Variants in CCDC7 observed in about 807,000 individuals in gnomAD.
The protein encoded by CCDC7 is coiled-coil domain containing 7.
A neutral mutation model predicts 196.9 loss-of-function variants in CCDC7; 183 were observed. That is an observed-to-expected ratio of 0.93 (90% CI 0.82 to 1.05). The LOEUF is 1.05. Among genes scored for constraint, CCDC7 ranks in the 50% least tolerant of loss-of-function variants. CCDC7 has a pLI of 0.00. For synonymous variants in CCDC7, 525 were observed against 484.6 expected, an observed-to-expected ratio of 1.08 and a Z score of -1.10; for missense variants, 1,540 against 1,482.2, an observed-to-expected ratio of 1.04 and a Z score of -0.64.
rs1198046506 is a variant in CCDC7 at position 32,479,888 on chromosome 10, A to G, written c.796+5865A>G. Among the ~76,000 whole-genome samples the G allele has an allele frequency of 2.7e-5, 4 of 149,424 alleles. No homozygotes were observed. In the South Asian group the frequency reaches 8.7e-4, roughly 32 times the overall value. ...TTATCACTGAGTCAGTCTTCTTATT[A>G]ATTACTAGTCTGTTCAGACTTTCTG... On this transcript the variant is annotated intron_variant, in intron 8 of 41. Transcript: ENST00000639629.
At chr10:32,627,116 C>T (rs953152046) in intron 18 of CCDC7, among the ~76,000 whole-genome samples, 5 of 151,440 alleles carry the variant, frequency 3.3e-5, no homozygotes, top group South Asian at 4.2e-4. Context: ...AATAGGATTG[C>T]GTTGACACTA....
intron 18 of CCDC7, among the ~76,000 whole-genome samples, chr10:32,607,345 C>T (rs1420525876): frequency 6.6e-6 from 1 of 152,192 alleles, no homozygotes; most frequent in African/African-American, 2.4e-5. Context: ...TGGCCTAACA[C>T]ATTATGACTT....
chr10:32,444,885 G>C (rs148434636), upstream of CCDC7, among the ~76,000 whole-genome samples: 1 of 145,808 alleles, frequency 6.9e-6, no homozygotes, highest in Admixed American at 7.0e-5. Context: ...ATGGAGTCTC[G>C]CTCTGTTGCC....
chr10:32,824,656 G>GT (rs775994559), intron 32 of CCDC7, 52 bp downstream of exon 33: 2 of 1,204,770 alleles, frequency 1.7e-6, no homozygotes. Flanking sequence ...CTTCTCTGGA[G>GT]TTTAAGTATG....
chr10:32,670,661 G>A (rs1413253734), intron 21 of CCDC7, among the ~76,000 whole-genome samples: 4 of 151,210 alleles, frequency 2.6e-5, no homozygotes, highest in Admixed American at 6.6e-5. Flanking sequence ...TTGTTCTTGC[G>A]ATAGTTTACT....
intron 2 of CCDC7, among the ~76,000 whole-genome samples, chr10:32,455,964 G>T (rs1373230020): frequency 6.6e-6 from 1 of 151,962 alleles, no homozygotes; most frequent in East Asian, 1.9e-4. Context: ...GTACTATGAG[G>T]CTGGGATGCT....
At position 32,689,175 on chromosome 10, in the gene CCDC7, A is replaced by G. The variant is rs745446700; in HGVS notation, c.2344+12A>G. ...GCAAAGAATTATTAGTAAGTATAAA[A>G]AGTAAAGATAACTTTAAATTATTTA... On this transcript the variant is annotated intron_variant, in intron 23 of 41. Transcript: ENST00000639629. 2.1e-6 allele frequency: 3 copies of G among 1,451,662 alleles called. No individual in the cohort carries two copies. Among genetic ancestry groups the G allele is most frequent in the Non-Finnish European group, 2.8e-6 (3 of 1,053,782 alleles). The allele number at this position is 1,451,662 out of a possible 1,614,324, so 89.9% of individuals were successfully genotyped here. A position where few individuals can be genotyped will look rare whatever the true frequency, so the allele number is the denominator to read the frequency against.
chr10:32,788,048 T>C (rs2082131450), intron 29 of CCDC7, among the ~76,000 whole-genome samples: 1 of 152,172 alleles, frequency 6.6e-6, no homozygotes, highest in South Asian at 2.1e-4. Flanking sequence ...TTTGCAGCCC[T>C]AGAGTCCAGG....
rs1352159824 is a variant in CCDC7, at chr10:32,565,636, T to C, written c.1197+16T>C. 6 of 1,600,278 alleles carry C rather than the reference T, an allele frequency of 3.7e-6. No individual in the cohort carries two copies. Among genetic ancestry groups the C allele is most frequent in the Non-Finnish European group, 5.1e-6 (6 of 1,173,822 alleles). On this transcript the variant is annotated intron_variant, in intron 14 of 41. Coordinates refer to ENST00000639629, the Ensembl canonical transcript of CCDC7. ...GGCTTTACAGGTAAAGGATGTCATG[T>C]TTCTTTAACATTGTTAACAAGTAAA...
intron 21 of CCDC7, among the ~76,000 whole-genome samples, chr10:32,681,840 C>A (rs143523949): frequency 6.6e-6 from 1 of 150,644 alleles, no homozygotes; most frequent in Non-Finnish European, 1.5e-5. Flanking sequence ...TGGATATAGA[C>A]CTGTAAAGTC....
intron 21 of CCDC7, among the ~76,000 whole-genome samples, chr10:32,685,635 C>T (rs1421053407): frequency 6.6e-6 from 1 of 152,124 alleles, no homozygotes; most frequent in Non-Finnish European, 1.5e-5. Flanking sequence ...TTTGTAATTA[C>T]AAATAATGCC....
chr10:32,528,679 TG>T (rs1261942264), intron 11 of CCDC7, among the ~76,000 whole-genome samples: 2 of 132,148 alleles, frequency 1.5e-5, no homozygotes, highest in Admixed American at 7.4e-5. Context: ...CATATATATA[TG>T]CATATATATA....
At chr10:32,687,604 G>A (rs1489998304) in intron 22 of CCDC7, among the ~76,000 whole-genome samples, 1 of 152,170 alleles carries the variant, frequency 6.6e-6, no homozygotes, top group Non-Finnish European at 1.5e-5. Context: ...AGAGATTGTG[G>A]AGATAAATCA....
chr10:32,760,384 G>T (rs1171914640), intron 28 of CCDC7, among the ~76,000 whole-genome samples: 2 of 151,840 alleles, frequency 1.3e-5, no homozygotes, highest in Admixed American at 6.6e-5. Context: ...AGAAAATGTG[G>T]CACATATACA....
chr10:32,851,434 C>T (rs1335937634), intron 39 of CCDC7, among the ~76,000 whole-genome samples: 1 of 152,018 alleles, frequency 6.6e-6, no homozygotes, highest in East Asian at 1.9e-4. Flanking sequence ...TAATTTTGAT[C>T]TTACATTGTT....
intron 8 of CCDC7, among the ~76,000 whole-genome samples, chr10:32,482,241 T>C (rs1305583968): frequency 1.3e-5 from 2 of 152,068 alleles, no homozygotes; most frequent in Non-Finnish European, 2.9e-5. Flanking sequence ...ACTGCAGATT[T>C]CTTACATGTA....
At chr10:32,446,097 G>T (rs1488505536), upstream of CCDC7, 1 of 152,162 alleles carries the variant, frequency 6.6e-6, no homozygotes, top group Non-Finnish European at 1.5e-5. Flanking sequence ...CGACGCCGGC[G>T]GCGCCAAGGC....
chr10:32,489,260 C>T (rs1236148689), intron 8 of CCDC7, among the ~76,000 whole-genome samples: 3 of 152,164 alleles, frequency 2.0e-5, no homozygotes, highest in African/African-American at 7.2e-5. Flanking sequence ...TACTGCTGCT[C>T]TGAGGACTGT....
At chr10:32,517,613 T>G in intron 9 of CCDC7, among the ~76,000 whole-genome samples, 1 of 95,800 alleles carries the variant, frequency 1.0e-5, no homozygotes, top group Admixed American at 1.5e-4. Context: ...CACCGGGGAC[T>G]GTTATGGGGT....
Sources: gnomAD v4.1 joint callset for allele counts (sites outside exome capture counted in the v4.1 genomes callset) on GRCh38, gnomAD v4.1.1 for gene constraint, MANE v1.5 for transcripts, NCBI Gene and HGNC (gene_info 2026-07-23, HGNC 2026-07-21) for gene names.